Variants in KALRN observed in about 807,000 individuals in gnomAD.
KALRN encodes the protein kalirin RhoGEF kinase.
In KALRN, 70 loss-of-function variants were observed where a neutral mutation model predicts 353.7. That is an observed-to-expected ratio of 0.20 (90% CI 0.16 to 0.24). KALRN has a LOEUF of 0.24. Ranked by LOEUF, KALRN falls within the 10% of genes least tolerant of loss-of-function variation. The pLI is 1.00. For synonymous variants in KALRN, 1,391 were observed against 1,434.8 expected, an observed-to-expected ratio of 0.97 and a Z score of 0.69; for missense variants, 2,791 against 3,756.7, an observed-to-expected ratio of 0.74 and a Z score of 6.72.
Position 124,490,774 on chromosome 3 carries a change from C to G in KALRN, c.4477C>G (p.Arg1493Gly). 6.2e-7 allele frequency: 1 copy of G among 1,613,898 alleles called. No individual in the cohort carries two copies. The highest frequency in any genetic ancestry group is 8.5e-7 in the Non-Finnish European group (1 of 1,179,874). The change falls in exon 30 of 60, where the codon CGG (arginine) becomes GGG (glycine). Residue 1493 changes from arginine (R) to glycine (G), a missense_variant. Transcript: ENST00000682506. Reference sequence around the variant, plus strand: ...AGTGTGGGACCCGAAGTCGCTGATCCGGAAGGGGCGGGAGCGGCACTTGTT... The same window carrying G: ...AGTGTGGGACCCGAAGTCGCTGATCGGGAAGGGGCGGGAGCGGCACTTGTT... ...FQVWDPKSLI[R>G]KGRERHLFLF... is the part of the protein sequence containing the mutation.
chr3:124,111,423 G>T (rs2062961919), intron 1 of KALRN, among the ~76,000 whole-genome samples: 1 of 152,186 alleles, frequency 6.6e-6, no homozygotes, highest in South Asian at 2.1e-4. Context: ...TTCCGTGATT[G>T]GTGTAATGTA....
intron 14 of KALRN, among the ~76,000 whole-genome samples, chr3:124,418,115 G>C (rs2092600639): frequency 6.6e-6 from 1 of 151,498 alleles, no homozygotes; most frequent in South Asian, 2.1e-4. Context: ...TTTTACTAGT[G>C]TCAAAAAGGA....
At chr3:124,704,569 A>C in intron 57 of KALRN, among the ~76,000 whole-genome samples, 1 of 151,942 alleles carries the variant, frequency 6.6e-6, no homozygotes. Flanking sequence ...TTTCTTTGAG[A>C]CAGGGACTCA....
chr3:124,356,886 A>C (rs2083479385), intron 10 of KALRN, among the ~76,000 whole-genome samples: 1 of 152,052 alleles, frequency 6.6e-6, no homozygotes, highest in African/African-American at 2.4e-5. Flanking sequence ...GCCTACTCTC[A>C]TGGCTTCCAA....
At chr3:124,307,434 C>T (rs1289719188) in intron 6 of KALRN, among the ~76,000 whole-genome samples, 1 of 151,832 alleles carries the variant, frequency 6.6e-6, no homozygotes, top group African/African-American at 2.4e-5. Context: ...TTATAACAAT[C>T]TAATGTTTGG....
At chr3:124,235,823 C>T (rs1006463768) in intron 3 of KALRN, among the ~76,000 whole-genome samples, 3 of 152,192 alleles carry the variant, frequency 2.0e-5, no homozygotes, top group South Asian at 2.1e-4. Context: ...TCAAAACCTT[C>T]GTCTTGTCTC....
intron 1 of KALRN, among the ~76,000 whole-genome samples, chr3:124,050,822 G>C (rs2040957930): frequency 1.3e-5 from 2 of 152,146 alleles, no homozygotes; most frequent in African/African-American, 2.4e-5. Flanking sequence ...GAGAATTCAA[G>C]CTGCATACTA....
intron 33 of KALRN, among the ~76,000 whole-genome samples, chr3:124,549,320 AACACACACACAC>A (rs10542227): frequency 6.2e-5 from 9 of 145,928 alleles, no homozygotes; most frequent in East Asian, 2.0e-4. Flanking sequence ...CCAAGAAGCC[AACACACACACAC>A]ACACACACAC....
intron 3 of KALRN, among the ~76,000 whole-genome samples, chr3:124,263,560 G>C (rs919689684): frequency 6.6e-6 from 1 of 151,392 alleles, no homozygotes; most frequent in Non-Finnish European, 1.5e-5. Flanking sequence ...CTGCACTCCA[G>C]CCAGTGCACA....
intron 27 of KALRN, among the ~76,000 whole-genome samples, chr3:124,481,663 T>C (rs1284550946): frequency 2.6e-5 from 4 of 152,210 alleles, no homozygotes; most frequent in Admixed American, 2.0e-4. Flanking sequence ...CTCTGTACCA[T>C]TCAGTCATGG....
rs1054405031 is a variant in KALRN at position 124,297,441 on chromosome 3, A to C, written c.970-1350A>C. On this transcript the variant is annotated intron_variant, in intron 5 of 59. Coordinates refer to ENST00000682506, the MANE Select transcript of KALRN (RefSeq NM_001388419.1). ...ACTTAGCCATTGTTTTTTGGTCCCTAGCATGTGTGAGTCACTGAGCTGAGA... is the reference window on the plus strand; with the variant it reads ...ACTTAGCCATTGTTTTTTGGTCCCTCGCATGTGTGAGTCACTGAGCTGAGA... 2.0e-5 allele frequency among the ~76,000 whole-genome samples: 3 copies of C among 152,160 alleles called. No homozygotes were observed. The East Asian group carries it at 5.8e-4, about 29-fold the overall frequency.
At chr3:124,632,896 A>G (rs1184496682) in intron 35 of KALRN, among the ~76,000 whole-genome samples, 193 bp downstream of exon 35, 1 of 152,240 alleles carries the variant, frequency 6.6e-6, no homozygotes, top group African/African-American at 2.4e-5. Context: ...ACTAGCCCCT[A>G]AGACTTCCAG....
intron 19 of KALRN, among the ~76,000 whole-genome samples, chr3:124,443,003 A>G (rs574475950): frequency 6.6e-6 from 1 of 152,118 alleles, no homozygotes; most frequent in Non-Finnish European, 1.5e-5. Flanking sequence ...AAAAGAAAAG[A>G]AAAAAAAGAA....
rs575950407 is a variant in KALRN at position 124,296,472 on chromosome 3, C to T, written c.970-2319C>T. ...ATTTCTCAGACTCTACTGCCACTCC[C>T]GTAATCCAGGACTCCGGGTCCTCGC... On this transcript the variant is annotated intron_variant, in intron 5 of 59. Coordinates refer to ENST00000682506, the MANE Select transcript of KALRN (RefSeq NM_001388419.1). 5.9e-5 allele frequency among the ~76,000 whole-genome samples: 9 copies of T among 152,330 alleles called. No homozygotes were observed. In the East Asian group the frequency reaches 9.7e-4, roughly 16 times the overall value.
chr3:124,054,095 C>T (rs1173032379), intron 1 of KALRN, among the ~76,000 whole-genome samples: 1 of 152,192 alleles, frequency 6.6e-6, no homozygotes, highest in African/African-American at 2.4e-5. Context: ...TTCCAATATG[C>T]TTTGTGACTG....
At chr3:124,044,859 CTCCTTCCT>C (rs1186718315) in intron 1 of KALRN, among the ~76,000 whole-genome samples, 25 of 43,214 alleles carry the variant, frequency 5.8e-4, no homozygotes, top group African/African-American at 1.7e-3. Context: ...CCCTCCCTCC[CTCCTTCCT>C]TCCTTCCTTC....
At chr3:124,045,908 G>A (rs1439544690) in intron 1 of KALRN, among the ~76,000 whole-genome samples, 2 of 152,150 alleles carry the variant, frequency 1.3e-5, no homozygotes, top group African/African-American at 4.8e-5. Context: ...GGCTGAAATG[G>A]ATGAAAAGGT....
At chr3:124,403,867 G>A (rs1352656899) in intron 13 of KALRN, among the ~76,000 whole-genome samples, 2 of 152,312 alleles carry the variant, frequency 1.3e-5, no homozygotes, top group Non-Finnish European at 1.5e-5. Flanking sequence ...AGAATTCTAT[G>A]ATAGAGGCTC....
At chr3:124,691,500 G>T (rs2061814639) in intron 51 of KALRN, among the ~76,000 whole-genome samples, 1 of 152,140 alleles carries the variant, frequency 6.6e-6, no homozygotes, top group South Asian at 2.1e-4. Flanking sequence ...GCCCACATAA[G>T]AAAAGAAAGG....
Sources: allele counts gnomAD v4.1 joint callset (sites outside exome capture counted in the v4.1 genomes callset), GRCh38; gene constraint gnomAD v4.1.1; transcripts MANE v1.5; gene names NCBI Gene and HGNC (gene_info 2026-07-23, HGNC 2026-07-21).